IRS2: variants seen among roughly 807,000 people sequenced by gnomAD.
The protein encoded by IRS2 is insulin receptor substrate 2.
A neutral mutation model predicts 70.9 loss-of-function variants in IRS2; 28 were observed. The observed-to-expected ratio is 0.39, with a 90% CI of 0.29 to 0.54. IRS2 has a LOEUF of 0.54. IRS2 is among the 20% of genes least tolerant of loss of function. The probability of loss-of-function intolerance (pLI) is 0.59; values close to 1 mark genes in which losing one functional copy is unlikely to be tolerated. For missense variants in IRS2, 2,081 were observed against 2,024.1 expected (o/e 1.03, Z -0.54); for synonymous variants, 1,217 against 981.9 (o/e 1.24, Z -4.48).
At position 109,785,572 on chromosome 13, in the gene IRS2, G is replaced by A; in HGVS notation, c.482C>T (p.Ala161Val). 7.7e-7 allele frequency: 1 copy of A among 1,294,090 alleles called. No individual in the cohort carries two copies. The highest frequency in any genetic ancestry group is 9.8e-7 in the Non-Finnish European group (1 of 1,023,324). 80.2% of individuals were successfully genotyped at this position (1,294,090 alleles called of 1,614,324 possible). Residue 161 changes from alanine (A) to valine (V), a missense_variant, in exon 1 of 2, where the codon GCG becomes GTG. This residue lies in a region of IRS2 where 320 missense variants were observed against 352.9 expected (regional missense o/e 0.91). Coordinates refer to ENST00000375856, the MANE Select transcript of IRS2 (RefSeq NM_003749.3). This position sits in a 1 kb window ranked among gnomAD's most constrained non-coding sequence, Gnocchi z 9.3. ...GDAPPAAAPA[A>V]SCSASLPGAL... ...GCCGGGCAGGGAGGCGCTGCAGGAC[G>A]CGGCGGGCGCGGCGGCGGGGGGCGC...
At position 109,763,717 on chromosome 13, in the gene IRS2, G is replaced by A. The variant is rs532485237; in HGVS notation, c.4013-7409C>T. Among the ~76,000 whole-genome samples, 8 of 152,258 alleles carry A rather than the reference G, an allele frequency of 5.3e-5. 1 individual carries two copies. The highest frequency in any genetic ancestry group is 3.4e-3 in the Middle Eastern group (1 of 294). On this transcript the variant is annotated intron_variant, in intron 1 of 1. Coordinates refer to ENST00000375856, the MANE Select transcript of IRS2 (RefSeq NM_003749.3). ...CCTCAGACTTAACACATGTTTATACGTATGGTTTTCTTACTAATCTAAAAA... is the reference window on the plus strand; with the variant it reads ...CCTCAGACTTAACACATGTTTATACATATGGTTTTCTTACTAATCTAAAAA...
In IRS2 at chr13:109,783,204, G is replaced by T. The variant is rs34889228; in HGVS notation, c.2850C>A (p.Ser950=). 4,164 of 1,413,026 alleles carry T rather than the reference G, an allele frequency of 2.9e-3. 10 individuals carry two copies. The highest frequency in any genetic ancestry group is 3.6e-3 in the Non-Finnish European group (3,962 of 1,087,254). The allele number at this position is 1,413,026 out of a possible 1,614,324, so 87.5% of individuals were successfully genotyped here. Reference sequence around the variant, plus strand: ...CCAGCGACGAGGCCGGGCTGCTGGCGGACAAGAGCGAGGAGGACGAGGCCG... The same window carrying T: ...CCAGCGACGAGGCCGGGCTGCTGGCTGACAAGAGCGAGGAGGACGAGGCCG... ...ASAASSSSLL[S]ASSPASSLGS... Residue 950 remains serine, a synonymous_variant, in exon 1 of 2, where the codon TCC becomes TCA. Transcript: ENST00000375856.
Position 109,785,435 on chromosome 13 carries a change from G to A in IRS2, c.619C>T (p.Leu207=). 3 of 1,612,206 alleles carry A rather than the reference G, an allele frequency of 1.9e-6. No homozygotes were observed. The highest frequency in any genetic ancestry group is 2.5e-6 in the Non-Finnish European group (3 of 1,179,794). The change falls in exon 1 of 2, where the codon CTG becomes TTG. Residue 207 remains leucine (L), a synonymous_variant. Coordinates refer to ENST00000375856, the MANE Select transcript of IRS2 (RefSeq NM_003749.3). The surrounding 1 kb of genome is among the most constrained non-coding windows in gnomAD (Gnocchi z 9.3). The part of the protein sequence containing the change: ...VWQVNLKPKG[L]GQSKNLTGVY... The stretch of plus-strand genomic sequence containing the variant: ...CCCGTCAGGTTCTTGCTCTGGCCCA[G>A]ACCCTTGGGCTTCAGGTTCACCTGC...
rs1424157764 is a variant in IRS2, at chr13:109,785,893, C to A, written c.161G>T (p.Gly54Val). 8.5e-5 allele frequency: 127 copies of A among 1,492,508 alleles called. 1 individual carries two copies. In the Admixed American group the frequency reaches 2.9e-3, roughly 34 times the overall value. 92.5% of individuals were successfully genotyped at this position (1,492,508 alleles called of 1,614,324 possible). A position where few individuals can be genotyped will look rare whatever the true frequency, so the allele number is the denominator to read the frequency against. Residue 54 changes from glycine to valine, a missense_variant, in exon 1 of 2, where the codon GGC becomes GTC. This residue lies in a region of IRS2 where 320 missense variants were observed against 352.9 expected (regional missense o/e 0.91). Coordinates refer to ENST00000375856, the MANE Select transcript of IRS2 (RefSeq NM_003749.3). The surrounding 1 kb of genome is among the most constrained non-coding windows in gnomAD (Gnocchi z 9.3). ...CGCCGTCGCCTCGTCGCCGCCCGCG[C>A]CGGGTCCGCGCAGCACGAAGAAGCG... ...HKRFFVLRGPGAGGDEATAGG... is the reference protein window; with the variant it reads ...HKRFFVLRGPVAGGDEATAGG...
Position 109,755,781 on chromosome 13 carries a change from G to A in IRS2, c.*523C>T, listed in dbSNP as rs895046068. 7 of 217,106 alleles carry A rather than the reference G, an allele frequency of 3.2e-5. No individual in the cohort carries two copies. Among genetic ancestry groups the A allele is most frequent in the Admixed American group, 5.3e-5 (1 of 18,874 alleles). The allele number at this position is 217,106 out of a possible 1,614,324, so 13.4% of individuals were successfully genotyped here. ...GAGGACCGCGCTCCAGACACACAGC[G>A]CAGGGGCTACTACAGGAGGTCCTGT... On this transcript the variant is annotated 3_prime_UTR_variant, in exon 2 of 2. Transcript: ENST00000375856.
Position 109,785,499 on chromosome 13 carries a change from C to A in IRS2, c.555G>T (p.Gly185=). The A allele has an allele frequency of 6.2e-7, 1 of 1,610,948 alleles. No individual in the cohort carries two copies. The highest frequency in any genetic ancestry group is 8.5e-7 in the Non-Finnish European group (1 of 1,179,326). Reference sequence around the variant, plus strand: ...AGGCGGCCGTGGCGGGAGCCACCAGCCCGTAGCTGTCCTCGGCCCCGGCGG... The same window carrying A: ...AGGCGGCCGTGGCGGGAGCCACCAGACCGTAGCTGTCCTCGGCCCCGGCGG... ...AGAAGAEDSY[G]LVAPATAAYR... Residue 185 remains glycine (G), a synonymous_variant, in exon 1 of 2, where the codon GGG becomes GGT. Coordinates refer to ENST00000375856, the MANE Select transcript of IRS2 (RefSeq NM_003749.3). The surrounding 1 kb of genome is among the most constrained non-coding windows in gnomAD (Gnocchi z 9.3).
At chr13:109,770,280 A>G (rs569935721) in intron 1 of IRS2, among the ~76,000 whole-genome samples, 3 of 152,324 alleles carry the variant, frequency 2.0e-5, no homozygotes, top group South Asian at 2.1e-4. Context: ...GCTGCCTACA[A>G]AAAGGAGCCA....
rs1877071018 is a variant in IRS2 at position 109,754,988 on chromosome 13, GAAA to G, written c.*1313_*1315del. ...CCTCCAATCAAGTGTCGAGGGAGCAGAAAACGGCAGAACATTCTGCCGGTCAAG... is the reference window on the plus strand; with the variant it reads ...CCTCCAATCAAGTGTCGAGGGAGCAGACGGCAGAACATTCTGCCGGTCAAG... On this transcript the variant is annotated 3_prime_UTR_variant, in exon 2 of 2. Coordinates refer to ENST00000375856, the MANE Select transcript of IRS2 (RefSeq NM_003749.3). 4.4e-6 allele frequency: 1 copy of G among 226,690 alleles called. No homozygotes were observed. Among genetic ancestry groups the G allele is most frequent in the African/African-American group, 2.2e-5 (1 of 44,980 alleles). The allele number at this position is 226,690 out of a possible 1,614,324, so 14.0% of individuals were successfully genotyped here.
In IRS2 at chr13:109,785,739, G is replaced by C; in HGVS notation, c.315C>G (p.Ala105=). Residue 105 remains alanine, a synonymous_variant, in exon 1 of 2, where the codon GCC becomes GCG. Transcript: ENST00000375856. This position sits in a 1 kb window ranked among gnomAD's most constrained non-coding sequence, Gnocchi z 9.3. ...CGATCAGGTACTTGTGCTTGGCGTC[G>C]GCGCGCTTGTTGATGTTCAGGCAGC... ...LDCCLNINKR[A]DAKHKYLIAL... The C allele has an allele frequency of 6.3e-7, 1 of 1,597,748 alleles. No homozygotes were observed.
rs1158461802 is a variant in IRS2 at position 109,783,207 on chromosome 13, C to T, written c.2847G>A (p.Leu949=). 1.4e-6 allele frequency: 2 copies of T among 1,415,546 alleles called. No homozygotes were observed. The highest frequency in any genetic ancestry group is 2.9e-5 in the South Asian group (2 of 68,048). 87.7% of individuals were successfully genotyped at this position (1,415,546 alleles called of 1,614,324 possible). A position where few individuals can be genotyped will look rare whatever the true frequency, so the allele number is the denominator to read the frequency against. Residue 949 remains leucine, a synonymous_variant, in exon 1 of 2, where the codon TTG becomes TTA. Coordinates refer to ENST00000375856, the MANE Select transcript of IRS2 (RefSeq NM_003749.3). ...LASAASSSSL[L]SASSPASSLG... ...GCGACGAGGCCGGGCTGCTGGCGGA[C>T]AAGAGCGAGGAGGACGAGGCCGCCG...
intron 1 of IRS2, among the ~76,000 whole-genome samples, chr13:109,777,735 T>A (rs565447719): frequency 2.3e-4 from 35 of 152,330 alleles, no homozygotes; most frequent in African/African-American, 8.2e-4. Context: ...CTTGTCAACA[T>A]CTCTTAATAT....
Position 109,785,934 on chromosome 13 carries a change from C to T in IRS2, c.120G>A (p.Gln40=), listed in dbSNP as rs1315782744. The T allele has an allele frequency of 6.7e-7, 1 of 1,498,450 alleles. No individual in the cohort carries two copies. Among genetic ancestry groups the T allele is most frequent in the Admixed American group, 2.2e-5 (1 of 45,736 alleles). The allele number at this position is 1,498,450 out of a possible 1,614,324, so 92.8% of individuals were successfully genotyped here. Residue 40 remains glutamine, a synonymous_variant, in exon 1 of 2, where the codon CAG becomes CAA. Transcript: ENST00000375856. The surrounding 1 kb of genome is among the most constrained non-coding windows in gnomAD (Gnocchi z 9.3). ...CGAAGAAGCGCTTGTGGCCATGCTT[C>T]TGCTTGCGCAGGTAGCCGCACTTGC... is the stretch of plus-strand genomic sequence containing the variant. ...SVRKCGYLRK[Q]KHGHKRFFVL...
At chr13:109,776,766 C>A (rs1216249874) in intron 1 of IRS2, among the ~76,000 whole-genome samples, 1 of 152,172 alleles carries the variant, frequency 6.6e-6, no homozygotes, top group Non-Finnish European at 1.5e-5. Context: ...GATGACTTTA[C>A]TAGTTTTCTT....
At chr13:109,764,535 T>C (rs1388207970) in intron 1 of IRS2, among the ~76,000 whole-genome samples, 1 of 152,228 alleles carries the variant, frequency 6.6e-6, no homozygotes. Flanking sequence ...CTAGCACAAC[T>C]GGCATTTTGT....
intron 1 of IRS2, among the ~76,000 whole-genome samples, chr13:109,765,252 T>G (rs1490692224): frequency 2.0e-5 from 3 of 152,218 alleles, no homozygotes; most frequent in Non-Finnish European, 4.4e-5. Flanking sequence ...TTATTGAAAT[T>G]TCAGTAATGC....
Position 109,756,255 on chromosome 13 carries a change from ATGATACTCTC to A in IRS2, c.*39_*48del. 6.6e-7 allele frequency: 1 copy of A among 1,507,554 alleles called. No individual in the cohort carries two copies. The allele number at this position is 1,507,554 out of a possible 1,614,324, so 93.4% of individuals were successfully genotyped here. ...AAACAGTGCTGAGCGTCTTCTTTTA[ATGATACTCTC>A]TGACATGTGACATCCTGGTGATAAA... On this transcript the variant is annotated 3_prime_UTR_variant, in exon 2 of 2. Transcript: ENST00000375856.
chr13:109,783,562 C>G lies in IRS2; in HGVS notation c.2492G>C (p.Gly831Ala), dbSNP rs918316134. 5 of 1,549,720 alleles carry G rather than the reference C, an allele frequency of 3.2e-6. No homozygotes were observed. Among genetic ancestry groups the G allele is most frequent in the Non-Finnish European group, 4.4e-6 (5 of 1,146,666 alleles). ...CAGACGCTCCTCCTCCAGGATGCGC[C>G]CCACGGGGGAGCTCATGAGCACGTA... ...DQYVLMSSPV[G>A]RILEEERLEP... The change falls in exon 1 of 2, where the codon GGG becomes GCG. Residue 831 changes from glycine to alanine, a missense_variant. By Grantham distance (60) the Gly-to-Ala change is moderately conservative. Around this residue, in one of 4 missense-constraint regions of IRS2, gnomAD observed 1,615 missense variants for 1,459.5 expected, o/e 1.11. Coordinates refer to ENST00000375856, the MANE Select transcript of IRS2 (RefSeq NM_003749.3).
intron 1 of IRS2, among the ~76,000 whole-genome samples, chr13:109,770,898 C>T (rs1201479843): frequency 1.3e-5 from 2 of 152,190 alleles, no homozygotes; most frequent in Non-Finnish European, 1.5e-5. Flanking sequence ...GCCCAGCGAA[C>T]CTGGACAGAT....
Position 109,786,152 on chromosome 13 carries a change from G to A in IRS2, c.-99C>T. The A allele has an allele frequency of 1.6e-6, 1 of 642,402 alleles. No individual in the cohort carries two copies. The highest frequency in any genetic ancestry group is 1.9e-6 in the Non-Finnish European group (1 of 519,440). 39.8% of individuals were successfully genotyped at this position (642,402 alleles called of 1,614,324 possible). A position where few individuals can be genotyped will look rare whatever the true frequency, so the allele number is the denominator to read the frequency against. On this transcript the variant is annotated 5_prime_UTR_variant, in exon 1 of 2. Coordinates refer to ENST00000375856, the MANE Select transcript of IRS2 (RefSeq NM_003749.3). The surrounding 1 kb of genome is among the most constrained non-coding windows in gnomAD (Gnocchi z 4.4). Reference sequence around the variant, plus strand: ...GGGGGCGGCTCCCTCCCACCCTTGCGCCCGGCCGCCCGCCCGATCACGCGT... The same window carrying A: ...GGGGGCGGCTCCCTCCCACCCTTGCACCCGGCCGCCCGCCCGATCACGCGT...
Sources: allele counts gnomAD v4.1 joint callset (sites outside exome capture counted in the v4.1 genomes callset), GRCh38; gene constraint gnomAD v4.1.1; regional missense constraint gnomAD v4.1.1; non-coding constraint Gnocchi (gnomAD v3.1); transcripts MANE v1.5; gene names NCBI Gene and HGNC (gene_info 2026-07-23, HGNC 2026-07-21).